SRGAP1: variants seen among roughly 807,000 people sequenced by gnomAD.
SRGAP1 encodes the protein SLIT-ROBO Rho GTPase activating protein 1, also known as SLIT-ROBO Rho GTPase-activating protein 1.
A neutral mutation model predicts 121.9 loss-of-function variants in SRGAP1; 43 were observed. The ratio of observed to expected loss-of-function variants is 0.35; its 90% CI spans 0.28 to 0.46. SRGAP1 has a LOEUF of 0.46. Ranked by LOEUF, SRGAP1 falls within the 20% of genes least tolerant of loss-of-function variation. The pLI, the probability that SRGAP1 is intolerant of heterozygous loss-of-function variation, is 1.00. For synonymous variants in SRGAP1, 447 were observed against 485.4 expected (o/e 0.92, Z 1.04); for missense variants, 1,102 against 1,350.9 (o/e 0.82, Z 2.89).
intron 8 of SRGAP1, among the ~76,000 whole-genome samples, chr12:64,068,478 G>GCA (rs71453874): frequency 1 from 150,329 of 150,402 alleles, 75,128 homozygotes; most frequent in Middle Eastern, 1. Context: ...GGGACTACAA[G>GCA]TGTTAACCAC....
At chr12:63,872,404 G>T (rs964583572) in intron 1 of SRGAP1, among the ~76,000 whole-genome samples, 1 of 152,184 alleles carries the variant, frequency 6.6e-6, no homozygotes. Context: ...TATGGGCTAC[G>T]ACCCCACACT....
intron 8 of SRGAP1, among the ~76,000 whole-genome samples, chr12:64,073,890 T>G (rs927783314): frequency 6.6e-6 from 1 of 151,956 alleles, no homozygotes; most frequent in African/African-American, 2.4e-5. Flanking sequence ...TTTGTTTGTT[T>G]GCTTTAGAAG....
intron 15 of SRGAP1, among the ~76,000 whole-genome samples, chr12:64,098,920 T>C (rs538160430): frequency 7.9e-5 from 12 of 152,356 alleles, no homozygotes; most frequent in African/African-American, 1.2e-4. Context: ...CTTTGCCAAA[T>C]TGGCATTCCT....
intron 1 of SRGAP1, among the ~76,000 whole-genome samples, chr12:63,941,143 AAATT>A (rs2031850062): frequency 6.6e-6 from 1 of 151,670 alleles, no homozygotes; most frequent in African/African-American, 2.4e-5. Flanking sequence ...AATATATATT[AAATT>A]AGTCTTTAAT....
intron 1 of SRGAP1, among the ~76,000 whole-genome samples, chr12:63,974,845 A>G (rs1416996150): frequency 6.6e-6 from 1 of 152,186 alleles, no homozygotes; most frequent in Non-Finnish European, 1.5e-5. Flanking sequence ...TAGGGTATCA[A>G]GAATATCATT....
intron 1 of SRGAP1, among the ~76,000 whole-genome samples, chr12:63,981,286 T>C (rs1256850896): frequency 6.6e-6 from 1 of 152,228 alleles, no homozygotes; most frequent in East Asian, 1.9e-4. Context: ...GTATAATTTT[T>C]GTGTATTTCT....
At chr12:63,906,733 G>A (rs1050333087) in intron 1 of SRGAP1, among the ~76,000 whole-genome samples, 1 of 152,146 alleles carries the variant, frequency 6.6e-6, no homozygotes, top group Non-Finnish European at 1.5e-5. Context: ...TGATGATACA[G>A]AATTTCACAA....
At chr12:64,068,320 A>T (rs2136544613) in intron 8 of SRGAP1, among the ~76,000 whole-genome samples, 1 of 150,140 alleles carries the variant, frequency 6.7e-6, no homozygotes, top group South Asian at 2.1e-4. Context: ...CCTGCAACAG[A>T]CCCTATCTGG....
chr12:63,949,385 C>T (rs1455360982), intron 1 of SRGAP1, among the ~76,000 whole-genome samples: 1 of 134,586 alleles, frequency 7.4e-6, no homozygotes, highest in African/African-American at 2.8e-5. Flanking sequence ...TTGGATCAGA[C>T]ATTTTTATTA....
At chr12:63,851,560 T>TA (rs1899073832) in intron 1 of SRGAP1, among the ~76,000 whole-genome samples, 1 of 151,992 alleles carries the variant, frequency 6.6e-6, no homozygotes, top group African/African-American at 2.4e-5. Flanking sequence ...TAGTAGTACT[T>TA]ACCTTGTTGT....
intron 21 of SRGAP1, among the ~76,000 whole-genome samples, chr12:64,140,293 C>T (rs1762989778): frequency 6.8e-6 from 1 of 147,084 alleles, no homozygotes; most frequent in South Asian, 2.2e-4. Flanking sequence ...TCATTGGTAG[C>T]TTGATGGGGA....
At chr12:64,083,087 C>G (rs891599525) in intron 10 of SRGAP1, among the ~76,000 whole-genome samples, 1 of 152,154 alleles carries the variant, frequency 6.6e-6, no homozygotes, top group African/African-American at 2.4e-5. Context: ...TGTGCAAGCC[C>G]TCTTCATGTT....
In SRGAP1 at chr12:64,144,836, C is replaced by CTTTTTTTTTTTTTTTTTTTTTTTTT. The variant is rs58636089; in HGVS notation, c.*2166_*2190dup. 7.6e-5 allele frequency: 6 copies of CTTTTTTTTTTTTTTTTTTTTTTTTT among 79,462 alleles called. 1 individual carries two copies. The highest frequency in any genetic ancestry group is 1.1e-4 in the Non-Finnish European group (5 of 44,836). 4.9% of individuals were successfully genotyped at this position (79,462 alleles called of 1,614,324 possible). A position where few individuals can be genotyped will look rare whatever the true frequency, so the allele number is the denominator to read the frequency against. On this transcript the variant is annotated 3_prime_UTR_variant, in exon 22 of 22. Transcript: ENST00000355086. ...TTAAACTTTCCAAAATAATCCCCCA[C>CTTTTTTTTTTTTTTTTTTTTTTTTT]TTTTTTTTTTTTTTTTTTTTTTTTT...
In SRGAP1 at chr12:64,147,117, T is replaced by C. The variant is rs1048440738; in HGVS notation, c.*4445T>C. The C allele has an allele frequency of 5.5e-6, 1 of 182,746 alleles. No individual in the cohort carries two copies. Among genetic ancestry groups the C allele is most frequent in the Non-Finnish European group, 1.1e-5 (1 of 88,990 alleles). 11.3% of individuals were successfully genotyped at this position (182,746 alleles called of 1,614,324 possible). On this transcript the variant is annotated 3_prime_UTR_variant, in exon 22 of 22. Coordinates refer to ENST00000355086, the MANE Select transcript of SRGAP1 (RefSeq NM_020762.4). ...TTATAGATATTTAAAGTATAGTAAG[T>C]GGCTGTGTAACAGGAGAGACTGCTG...
intron 1 of SRGAP1, among the ~76,000 whole-genome samples, chr12:63,901,397 T>A (rs910279783): frequency 5.3e-5 from 8 of 152,214 alleles, no homozygotes; most frequent in Admixed American, 5.2e-4. Context: ...CTGATTTTGG[T>A]ACATGCTGAG....
intron 1 of SRGAP1, chr12:63,871,655 G>C: frequency 1.7e-6 from 1 of 605,928 alleles, no homozygotes; most frequent in East Asian, 2.8e-5. Context: ...TTTGGCATAA[G>C]AATAGCGCTG....
At chr12:63,995,816 T>G (rs894741185) in intron 3 of SRGAP1, among the ~76,000 whole-genome samples, 3 of 152,084 alleles carry the variant, frequency 2.0e-5, no homozygotes, top group African/African-American at 7.2e-5. Flanking sequence ...CTAGTAAGAT[T>G]CATACTTATT....
rs1450121729 is a variant in SRGAP1 at position 64,161,774 on chromosome 12, G to T, written c.*19102G>T. On this transcript the variant is annotated 3_prime_UTR_variant, in exon 22 of 22. Transcript: ENST00000355086. ...CACTAAAAAACAGATTGTCATAGCA[G>T]TATTATCCATAATAGCCAAATGATA... 1 of 152,118 alleles carries T rather than the reference G, an allele frequency of 6.6e-6. No individual in the cohort carries two copies. Among genetic ancestry groups the T allele is most frequent in the Non-Finnish European group, 1.5e-5 (1 of 68,036 alleles). The allele number at this position is 152,118 out of a possible 1,614,324, so 9.4% of individuals were successfully genotyped here. A position where few individuals can be genotyped will look rare whatever the true frequency, so the allele number is the denominator to read the frequency against.
intron 1 of SRGAP1, among the ~76,000 whole-genome samples, chr12:63,917,129 A>G (rs1377098401): frequency 6.6e-6 from 1 of 152,224 alleles, no homozygotes; most frequent in Non-Finnish European, 1.5e-5. Context: ...AACATATGGG[A>G]TATGCTATTT....
Sources: gnomAD v4.1 joint callset for allele counts (sites outside exome capture counted in the v4.1 genomes callset) on GRCh38, gnomAD v4.1.1 for gene constraint, MANE v1.5 for transcripts, NCBI Gene and HGNC (gene_info 2026-07-23, HGNC 2026-07-21) for gene names.